DLG5: variants seen among roughly 807,000 people sequenced by gnomAD.
DLG5 encodes the protein discs large MAGUK scaffold protein 5.
A neutral mutation model predicts 189.8 loss-of-function variants in DLG5; 48 were observed. The ratio of observed to expected loss-of-function variants is 0.25; its 90% CI spans 0.20 to 0.32. The LOEUF (loss-of-function observed/expected upper bound fraction) is 0.32, where lower values mean the gene tolerates loss of function less well. DLG5 is among the 10% of genes least tolerant of loss of function. The pLI is 1.00. For missense variants in DLG5, 2,160 were observed against 2,544.7 expected (o/e 0.85, Z 3.25); for synonymous variants, 1,016 against 1,054.1 (o/e 0.96, Z 0.70).
At chr10:77,891,060 G>A (rs548066472) in intron 1 of DLG5, among the ~76,000 whole-genome samples, 12 of 152,134 alleles carry the variant, frequency 7.9e-5, no homozygotes, top group Middle Eastern at 3.4e-3. Flanking sequence ...CATCCCAACC[G>A]ACCCTTCAGG....
rs778759674 is a variant in DLG5 at position 77,792,447 on chromosome 10, G to A, written c.5753C>T (p.Pro1918Leu). ...CCACAGCACAGCATTCTCCTAGAGC[G>A]GGCAGGCTGGAATCCACAGGACTTT... ...QNKVLWIPAC[P>L]L The change falls in exon 32 of 32, where the codon CCG (proline) becomes CTG (leucine). Residue 1918 changes from proline (P) to leucine (L), a missense_variant. Transcript: ENST00000372391. 1.4e-5 allele frequency: 22 copies of A among 1,614,028 alleles called. No individual in the cohort carries two copies. The highest frequency in any genetic ancestry group is 9.9e-5 in the South Asian group (9 of 91,092).
At chr10:77,915,391 G>A (rs1846331754) in intron 1 of DLG5, among the ~76,000 whole-genome samples, 3 of 152,034 alleles carry the variant, frequency 2.0e-5, no homozygotes, top group South Asian at 4.2e-4. Context: ...TAGGGGAAAC[G>A]TAAAAAAATG....
At chr10:77,797,978 A>G (rs1489422853) in intron 27 of DLG5, among the ~76,000 whole-genome samples, 1 of 152,090 alleles carries the variant, frequency 6.6e-6, no homozygotes, top group Non-Finnish European at 1.5e-5. Flanking sequence ...CTTGAGGTCA[A>G]GAGTTTGAGA....
At chr10:77,847,649 C>T (rs569855147) in intron 5 of DLG5, among the ~76,000 whole-genome samples, 1 of 152,248 alleles carries the variant, frequency 6.6e-6, no homozygotes, top group African/African-American at 2.4e-5. Flanking sequence ...TCCACATGCA[C>T]ATGCACACAC....
rs754048378 is a variant in DLG5 at position 77,835,849 on chromosome 10, G to A, written c.1511C>T (p.Ala504Val). Residue 504 changes from alanine to valine, a missense_variant, in exon 8 of 32, where the codon GCT becomes GTT. Coordinates refer to ENST00000372391, the MANE Select transcript of DLG5 (RefSeq NM_004747.4). Reference sequence around the variant, plus strand: ...GGCTTCCTTCAGCTCCTGGCACAGAGCCTTGCACTGCTTTCGAAGGATTTC... The same window carrying A: ...GGCTTCCTTCAGCTCCTGGCACAGAACCTTGCACTGCTTTCGAAGGATTTC... ...EVEILRKQCK[A>V]LCQELKEALQ... 4.0e-5 allele frequency: 65 copies of A among 1,613,960 alleles called. No individual in the cohort carries two copies. The highest frequency in any genetic ancestry group is 1.4e-5 in the Non-Finnish European group (16 of 1,179,974).
At chr10:77,904,769 TA>T (rs113803144) in intron 1 of DLG5, among the ~76,000 whole-genome samples, 12 of 146,812 alleles carry the variant, frequency 8.2e-5, no homozygotes, top group Non-Finnish European at 7.5e-5. Context: ...TTCTTCCAAA[TA>T]AAAAAAAAAA....
chr10:77,933,238 G>A, the DLG5 span, among the ~76,000 whole-genome samples: 2 of 151,868 alleles, frequency 1.3e-5, no homozygotes, highest in African/African-American at 2.4e-5. Flanking sequence ...TTATCAGTGT[G>A]TATTTTTTGT....
At chr10:77,795,981 G>A in intron 29 of DLG5, 80 bp downstream of exon 29, 1 of 1,597,386 alleles carries the variant, frequency 6.3e-7, no homozygotes, top group Middle Eastern at 2.0e-4. Context: ...TGGGGCAGAG[G>A]ATCACGGACC....
In DLG5 at chr10:77,817,113, G is replaced by T. The variant is rs776738285; in HGVS notation, c.3785-17C>A. On this transcript the variant is annotated splice_polypyrimidine_tract_variant and intron_variant, in intron 18 of 31. Coordinates refer to ENST00000372391, the MANE Select transcript of DLG5 (RefSeq NM_004747.4). ...TCGAAGAACCTATTGTTCCATAAGG[G>T]AACAAAACTTCAGGCCTCATGGTTA... 3 of 1,612,876 alleles carry T rather than the reference G, an allele frequency of 1.9e-6. No individual in the cohort carries two copies. The highest frequency in any genetic ancestry group is 2.5e-6 in the Non-Finnish European group (3 of 1,179,060).
chr10:77,821,938 G>C lies in DLG5; in HGVS notation c.2546C>G (p.Thr849Arg), dbSNP rs369002976. Reference protein sequence around the residue: ...NNSTQTDIFYTDRLEDRKEPG... With the variant: ...NNSTQTDIFYRDRLEDRKEPG... ...CTCCTTCCTGTCTTCCAGCCTGTCCGTGTAGAAGATGTCTGTCTGCGTGGA... is the reference window on the plus strand; with the variant it reads ...CTCCTTCCTGTCTTCCAGCCTGTCCCTGTAGAAGATGTCTGTCTGCGTGGA... Residue 849 changes from threonine to arginine, a missense_variant, in exon 15 of 32, where the codon ACG (threonine) becomes AGG (arginine). Physicochemically the swap from Thr to Arg is moderately conservative, Grantham distance 71 (BLOSUM62 -1). Transcript: ENST00000372391. 6.2e-7 allele frequency: 1 copy of C among 1,614,138 alleles called. No individual in the cohort carries two copies. The highest frequency in any genetic ancestry group is 1.7e-5 in the Admixed American group (1 of 60,012).
intron 6 of DLG5, among the ~76,000 whole-genome samples, chr10:77,842,707 T>C (rs1403791865): frequency 6.6e-6 from 1 of 152,170 alleles, no homozygotes. Context: ...CAATTCTCAG[T>C]GTGCTCCATA....
At chr10:77,873,317 G>A (rs1844979333) in intron 1 of DLG5, among the ~76,000 whole-genome samples, 2 of 152,128 alleles carry the variant, frequency 1.3e-5, no homozygotes, top group African/African-American at 4.8e-5. Context: ...CAGGGCACAT[G>A]CTCTACACAC....
At chr10:77,840,034 T>C (rs1201298610) in intron 7 of DLG5, among the ~76,000 whole-genome samples, 1 of 152,258 alleles carries the variant, frequency 6.6e-6, no homozygotes, top group Non-Finnish European at 1.5e-5. Context: ...ATGTATTTTC[T>C]ATATTGAATC....
At chr10:77,899,375 C>T (rs1402842354) in intron 1 of DLG5, among the ~76,000 whole-genome samples, 6 of 152,248 alleles carry the variant, frequency 3.9e-5, no homozygotes, top group South Asian at 2.1e-4. Context: ...GTACAATGGG[C>T]GTGCCCTCAG....
intron 1 of DLG5, among the ~76,000 whole-genome samples, chr10:77,914,153 C>T (rs1453832640): frequency 6.6e-6 from 1 of 152,140 alleles, no homozygotes; most frequent in Non-Finnish European, 1.5e-5. Context: ...ACAGCAATGC[C>T]CTCCTTAAAA....
chr10:77,832,570 C>A (rs1842934841), intron 9 of DLG5, among the ~76,000 whole-genome samples: 1 of 152,210 alleles, frequency 6.6e-6, no homozygotes, highest in African/African-American at 2.4e-5. Context: ...GCTCACTATA[C>A]CTGTCTCATC....
chr10:77,803,940 A>G (rs1378855973), intron 27 of DLG5, among the ~76,000 whole-genome samples: 2 of 144,194 alleles, frequency 1.4e-5, no homozygotes, highest in Non-Finnish European at 3.0e-5. Flanking sequence ...CCTGGGCTAG[A>G]GTGCAGTGGC....
In DLG5 at chr10:77,835,740, G is replaced by A; in HGVS notation, c.1620C>T (p.Ile540=). 6.2e-7 allele frequency: 1 copy of A among 1,609,640 alleles called. No homozygotes were observed. The highest frequency in any genetic ancestry group is 8.5e-7 in the Non-Finnish European group (1 of 1,178,822). ...RDKIVAERDS[I]RTLCDNLRRE... ...GCCAGCTTGAGGTCACCCCATACCG[G>A]ATGCTGTCACGCTCTGCTACAATCT... is the stretch of plus-strand genomic sequence containing the variant. Residue 540 remains isoleucine (I), a splice_region_variant and synonymous_variant, in exon 8 of 32, where the codon ATC becomes ATT. Transcript: ENST00000372391.
intron 2 of DLG5, among the ~76,000 whole-genome samples, chr10:77,857,868 CAG>C (rs1844312211): frequency 6.6e-6 from 1 of 152,208 alleles, no homozygotes; most frequent in African/African-American, 2.4e-5. Context: ...TGACTCGTGT[CAG>C]GGGACACAGT....
Sources: gnomAD v4.1 joint callset for allele counts (sites outside exome capture counted in the v4.1 genomes callset) on GRCh38, gnomAD v4.1.1 for gene constraint, MANE v1.5 for transcripts, NCBI Gene and HGNC (gene_info 2026-07-23, HGNC 2026-07-21) for gene names.